Variants in FNBP4 observed in about 807,000 individuals in gnomAD.
FNBP4 encodes the protein formin binding protein 4, also known as formin-binding protein 4.
A neutral mutation model predicts 119.3 loss-of-function variants in FNBP4; 34 were observed. The observed-to-expected ratio is 0.28, with a 90% CI of 0.22 to 0.38. The LOEUF is 0.38. Among genes scored for constraint, FNBP4 ranks in the 10% least tolerant of loss-of-function variants. The probability of loss-of-function intolerance (pLI) is 1.00; values close to 1 mark genes in which losing one functional copy is unlikely to be tolerated. For missense variants in FNBP4, 1,112 were observed against 1,228.9 expected (o/e 0.90, Z 1.42); for synonymous variants, 462 against 430.6 (o/e 1.07, Z -0.90).
chr11:47,752,673 G>C, intron 4 of FNBP4: 2 of 375,676 alleles, frequency 5.3e-6, no homozygotes, highest in Non-Finnish European at 9.8e-6. Context: ...AATTAGCCAG[G>C]CATGGCAGTG....
intron 8 of FNBP4, among the ~76,000 whole-genome samples, chr11:47,739,893 C>T (rs2097579417): frequency 6.6e-6 from 1 of 152,146 alleles, no homozygotes; most frequent in Non-Finnish European, 1.5e-5. Flanking sequence ...ATTCTCCTGC[C>T]TCAGCCTCCC....
At chr11:47,734,986 C>CG (rs1437186136) in intron 9 of FNBP4, among the ~76,000 whole-genome samples, 52 of 112,656 alleles carry the variant, frequency 4.6e-4, no homozygotes, top group African/African-American at 1.1e-3. Flanking sequence ...ACACCCCCCC[C>CG]CCCAAAAAAA....
At chr11:47,748,142 G>A (rs1189436959) in intron 6 of FNBP4, among the ~76,000 whole-genome samples, 1 of 152,006 alleles carries the variant, frequency 6.6e-6, no homozygotes, top group East Asian at 1.9e-4. Context: ...GGGAGGCTGA[G>A]GCAGGAGAAT....
intron 2 of FNBP4, among the ~76,000 whole-genome samples, chr11:47,756,721 T>A (rs1365675165): frequency 7.4e-6 from 1 of 135,326 alleles, no homozygotes; most frequent in Non-Finnish European, 1.6e-5. Context: ...CAGGCCCCGG[T>A]GTGTGATGTT....
intron 8 of FNBP4, among the ~76,000 whole-genome samples, chr11:47,738,692 CTTTT>C (rs34723652): frequency 2.0e-5 from 3 of 148,806 alleles, no homozygotes; most frequent in Non-Finnish European, 4.5e-5. Flanking sequence ...ATATTTTAAA[CTTTT>C]TTTTTTGAGA....
intron 2 of FNBP4, among the ~76,000 whole-genome samples, chr11:47,760,968 C>CA (rs1280315221): frequency 3.3e-5 from 5 of 152,000 alleles, no homozygotes; most frequent in Admixed American, 1.3e-4. Context: ...GACATAACTC[C>CA]AAAAAAACTT....
At chr11:47,766,650 G>A (rs2097648275) in intron 1 of FNBP4, among the ~76,000 whole-genome samples, 1 of 152,230 alleles carries the variant, frequency 6.6e-6, no homozygotes, top group African/African-American at 2.4e-5. Flanking sequence ...TTTTCTAAAC[G>A]TCTCTATCCC....
chr11:47,725,738 T>C, intron 12 of FNBP4: 9 of 957,836 alleles, frequency 9.4e-6, no homozygotes, highest in Non-Finnish European at 9.9e-6. Flanking sequence ...TATACTTACT[T>C]GTAGCCTTCC....
intron 8 of FNBP4, among the ~76,000 whole-genome samples, chr11:47,742,963 G>T (rs1412487949): frequency 6.8e-5 from 10 of 147,618 alleles, no homozygotes; most frequent in Non-Finnish European, 9.0e-5. Flanking sequence ...CTGTATTGTT[G>T]TTTTTTTTTT....
chr11:47,749,387 C>A (rs1021691802), intron 6 of FNBP4, among the ~76,000 whole-genome samples: 1 of 151,950 alleles, frequency 6.6e-6, no homozygotes, highest in African/African-American at 2.4e-5. Context: ...ACTGGTGAAA[C>A]CTCGTCTCTA....
chr11:47,731,303 A>G, intron 12 of FNBP4, 71 bp downstream of exon 12: 1 of 1,398,154 alleles, frequency 7.2e-7, no homozygotes, highest in South Asian at 1.5e-5. Context: ...AAATCTTTTA[A>G]TAATGTAAAT....
rs1282872067 is a variant in FNBP4 at position 47,717,324 on chromosome 11, CCATAA to C, written c.*93_*97del. The C allele has an allele frequency of 1.2e-5, 9 of 761,944 alleles. No individual in the cohort carries two copies. The highest frequency in any genetic ancestry group is 1.9e-5 in the Non-Finnish European group (9 of 470,218). 47.2% of individuals were successfully genotyped at this position (761,944 alleles called of 1,614,324 possible). A position where few individuals can be genotyped will look rare whatever the true frequency, so the allele number is the denominator to read the frequency against. ...GCCCAGGAAATTTATAAGATCTCCC[CCATAA>C]CATTTATAGTTTATTTGACAATAAA... On this transcript the variant is annotated 3_prime_UTR_variant, in exon 17 of 17. Transcript: ENST00000263773.
At chr11:47,744,186 G>C in intron 7 of FNBP4, 23 bp from the exon 8 acceptor site, 2 of 1,575,154 alleles carry the variant, frequency 1.3e-6, no homozygotes, top group Non-Finnish European at 1.7e-6. Context: ...TGACAATTAA[G>C]TTAGTGTCAT....
rs2097645281 is a variant in FNBP4 at position 47,765,410 on chromosome 11, A to G, written c.221-48T>C. 2.2e-6 allele frequency: 3 copies of G among 1,351,478 alleles called. No homozygotes were observed. The South Asian group carries it at 3.8e-5, about 17-fold the overall frequency. The allele number at this position is 1,351,478 out of a possible 1,614,324, so 83.7% of individuals were successfully genotyped here. On this transcript the variant is annotated intron_variant, in intron 1 of 16. Transcript: ENST00000263773. The stretch of plus-strand genomic sequence containing the variant: ...AAAAGAAAAGAAAAGAAAAGAAAAG[A>G]AAAGAAAACTGCAGTCAGATTCCAG...
chr11:47,737,547 C>T (rs893313194), intron 8 of FNBP4, among the ~76,000 whole-genome samples: 1 of 151,960 alleles, frequency 6.6e-6, no homozygotes, highest in African/African-American at 2.4e-5. Context: ...TCAACGGATC[C>T]TCCCACCTCA....
chr11:47,730,823 T>C (rs760546566), intron 12 of FNBP4, among the ~76,000 whole-genome samples: 3 of 152,218 alleles, frequency 2.0e-5, no homozygotes, highest in East Asian at 3.8e-4. Context: ...AGACATCCTA[T>C]TGCCAATTGT....
At chr11:47,720,838 G>A (rs985553642) in intron 15 of FNBP4, among the ~76,000 whole-genome samples, 4 of 151,788 alleles carry the variant, frequency 2.6e-5, no homozygotes, top group African/African-American at 9.7e-5. Flanking sequence ...TTAGCCGGGG[G>A]CGGTGGCGGC....
intron 2 of FNBP4, among the ~76,000 whole-genome samples, chr11:47,759,284 T>C (rs935446591): frequency 6.6e-6 from 1 of 151,438 alleles, no homozygotes; most frequent in Non-Finnish European, 1.5e-5. Context: ...CAGTCTTGAC[T>C]CACTGCAACC....
rs1404440368 is a variant in FNBP4, at chr11:47,724,056, A to C, written c.2436T>G (p.Val812=). The stretch of plus-strand genomic sequence containing the variant: ...TAGCTATAGCTGACTGGCTATAGAG[A>C]ACTGGAGAACTGCCAATGGTAGCTG... ...QRSATIGSSP[V]LYSQSAIATG... Residue 812 remains valine, a synonymous_variant, in exon 14 of 17, where the codon GTT becomes GTG. Coordinates refer to ENST00000263773, the MANE Select transcript of FNBP4 (RefSeq NM_015308.5). The C allele has an allele frequency of 2.5e-6, 4 of 1,614,060 alleles. No individual in the cohort carries two copies.
Sources: allele counts gnomAD v4.1 joint callset (sites outside exome capture counted in the v4.1 genomes callset), GRCh38; gene constraint gnomAD v4.1.1; transcripts MANE v1.5; gene names NCBI Gene and HGNC (gene_info 2026-07-23, HGNC 2026-07-21).